PLCE1: variants seen among roughly 807,000 people sequenced by gnomAD.
PLCE1 encodes phospholipase C epsilon 1, also known as 1-phosphatidylinositol 4,5-bisphosphate phosphodiesterase epsilon-1.
Under a neutral mutation model 242.8 loss-of-function variants are expected in PLCE1, and 119 were observed. That is an observed-to-expected ratio of 0.49 (90% CI 0.42 to 0.57). The LOEUF is 0.57. PLCE1 is among the 20% of genes least tolerant of loss of function. The pLI is 0.00. For missense variants in PLCE1, 2,441 were observed against 2,788.8 expected (o/e 0.88, Z 2.81); for synonymous variants, 945 against 1,017.4 (o/e 0.93, Z 1.35).
chr10:94,129,179 A>G (rs1346947230), intron 2 of PLCE1, among the ~76,000 whole-genome samples: 1 of 152,206 alleles, frequency 6.6e-6, no homozygotes, highest in East Asian at 1.9e-4. Flanking sequence ...ATGACAAGAG[A>G]TGAAAGACTT....
intron 1 of PLCE1, among the ~76,000 whole-genome samples, chr10:94,022,134 T>C (rs796176305): frequency 4.6e-5 from 7 of 152,132 alleles, no homozygotes; most frequent in African/African-American, 1.7e-4. Flanking sequence ...TGATTGTCTA[T>C]GTAGAAAATT....
chr10:94,112,546 T>C (rs776356743), intron 2 of PLCE1, among the ~76,000 whole-genome samples: 29 of 152,256 alleles, frequency 1.9e-4, no homozygotes, highest in Non-Finnish European at 3.8e-4. Flanking sequence ...CTTTGAATGA[T>C]TGTTTCCATT....
intron 2 of PLCE1, among the ~76,000 whole-genome samples, chr10:94,073,665 C>T (rs2044423973): frequency 6.6e-6 from 1 of 152,176 alleles, no homozygotes; most frequent in South Asian, 2.1e-4. Context: ...CTACCTCCAG[C>T]CCACTGCACC....
chr10:94,159,143 A>G (rs2047528714), intron 3 of PLCE1, among the ~76,000 whole-genome samples: 1 of 151,972 alleles, frequency 6.6e-6, no homozygotes, highest in Non-Finnish European at 1.5e-5. Flanking sequence ...TTTCATCTGA[A>G]TATGTCTTAA....
chr10:94,317,277 GTT>G (rs1322386888), intron 29 of PLCE1, among the ~76,000 whole-genome samples: 1 of 151,992 alleles, frequency 6.6e-6, no homozygotes, highest in Non-Finnish European at 1.5e-5. Context: ...AAGGAAATAT[GTT>G]TTCTCACACA....
chr10:94,056,824 C>T (rs898422950), intron 2 of PLCE1, among the ~76,000 whole-genome samples: 1 of 150,964 alleles, frequency 6.6e-6, no homozygotes, highest in Admixed American at 6.6e-5. Flanking sequence ...CCCACCCACC[C>T]GTCCCTGGTA....
At chr10:94,237,843 T>C (rs1164286199) in intron 7 of PLCE1, among the ~76,000 whole-genome samples, 1 of 152,152 alleles carries the variant, frequency 6.6e-6, no homozygotes, top group Non-Finnish European at 1.5e-5. Context: ...CAGTGCAGGG[T>C]TATGTGTGCC....
At chr10:94,060,922 C>A (rs1042750156) in intron 2 of PLCE1, among the ~76,000 whole-genome samples, 1 of 118,144 alleles carries the variant, frequency 8.5e-6, no homozygotes, top group Non-Finnish European at 1.6e-5. Flanking sequence ...GTCTCAAACT[C>A]CTGGGCTCAA....
At chr10:94,103,757 T>C (rs1392406231) in intron 2 of PLCE1, among the ~76,000 whole-genome samples, 1 of 152,168 alleles carries the variant, frequency 6.6e-6, no homozygotes, top group Non-Finnish European at 1.5e-5. Context: ...ACGGTGTGTG[T>C]GCATGCACAT....
At chr10:94,180,260 A>C (rs1049423006) in intron 4 of PLCE1, among the ~76,000 whole-genome samples, 1 of 152,194 alleles carries the variant, frequency 6.6e-6, no homozygotes, top group Non-Finnish European at 1.5e-5. Context: ...CAATATGTGT[A>C]AAAATGTTGA....
At chr10:94,134,660 G>A (rs74151062) in intron 3 of PLCE1, among the ~76,000 whole-genome samples, 3,197 of 152,276 alleles carry the variant, frequency 0.021, 98 homozygotes, top group African/African-American at 0.072. Context: ...GCCCAACCAA[G>A]GCAGGCACGC....
intron 19 of PLCE1, among the ~76,000 whole-genome samples, chr10:94,274,053 G>A (rs1404330415): frequency 6.9e-5 from 10 of 143,998 alleles, no homozygotes; most frequent in Admixed American, 2.0e-4. Context: ...CCCCTTTAGG[G>A]AGAGTCCCCT....
intron 25 of PLCE1, 34 bp downstream of exon 25, chr10:94,304,679 C>A: frequency 1.2e-6 from 2 of 1,606,558 alleles, no homozygotes; most frequent in South Asian, 1.1e-5. Context: ...AACATAAGGT[C>A]GGGTTTAAGC....
chr10:94,146,388 C>T (rs1450243568), intron 3 of PLCE1, among the ~76,000 whole-genome samples: 1 of 152,108 alleles, frequency 6.6e-6, no homozygotes, highest in Non-Finnish European at 1.5e-5. Flanking sequence ...TTTACTATGA[C>T]ACAGCACCAT....
At chr10:94,226,971 G>A (rs765213684) in intron 4 of PLCE1, among the ~76,000 whole-genome samples, 1 of 151,394 alleles carries the variant, frequency 6.6e-6, no homozygotes, top group Admixed American at 6.6e-5. Context: ...GCTGAGGCAG[G>A]GTTCAAGCGA....
chr10:94,225,769 G>C (rs1177300743), intron 4 of PLCE1, among the ~76,000 whole-genome samples: 1 of 152,226 alleles, frequency 6.6e-6, no homozygotes, highest in Non-Finnish European at 1.5e-5. Flanking sequence ...TTCTCGATCT[G>C]GAAAAATGGG....
At chr10:94,158,171 G>T (rs1239723376) in intron 3 of PLCE1, among the ~76,000 whole-genome samples, 1 of 152,178 alleles carries the variant, frequency 6.6e-6, no homozygotes, top group Admixed American at 6.5e-5. Context: ...AGCTCACCCA[G>T]GTCAGACTTT....
rs7074125 is a variant in PLCE1, at chr10:94,329,636, A to G, written c.*1693A>G. ...CTACTAAAAGTACAAAAATTAGCTG[A>G]GCGTGGTGGCACGTGCCTGTAATCC... On this transcript the variant is annotated 3_prime_UTR_variant, in exon 33 of 33. Coordinates refer to ENST00000371380, the MANE Select transcript of PLCE1 (RefSeq NM_016341.4). The G allele has an allele frequency of 0.31, 46,779 of 152,008 alleles. 7,514 individuals carry two copies. The highest frequency in any genetic ancestry group is 0.47 in the Middle Eastern group (140 of 298). The allele number at this position is 152,008 out of a possible 1,614,324, so 9.4% of individuals were successfully genotyped here. A position where few individuals can be genotyped will look rare whatever the true frequency, so the allele number is the denominator to read the frequency against.
intron 2 of PLCE1, among the ~76,000 whole-genome samples, chr10:94,040,980 C>A (rs1313569865): frequency 2.0e-5 from 3 of 152,144 alleles, no homozygotes; most frequent in Non-Finnish European, 4.4e-5. Flanking sequence ...AGTTAAATAG[C>A]CACAACAGAC....
Sources: allele counts gnomAD v4.1 joint callset (sites outside exome capture counted in the v4.1 genomes callset), GRCh38; gene constraint gnomAD v4.1.1; transcripts MANE v1.5; gene names NCBI Gene and HGNC (gene_info 2026-07-23, HGNC 2026-07-21).